The following PCDH11X variants were observed in gnomAD, a reference collection of about 807,000 sequenced individuals.
PCDH11X encodes the protein protocadherin 11 X-linked, also known as protocadherin-11 X-linked.
Under a neutral mutation model 53.3 loss-of-function variants are expected in PCDH11X, and 18 were observed. The ratio of observed to expected loss-of-function variants is 0.34; its 90% confidence interval spans 0.23 to 0.50. PCDH11X has a LOEUF of 0.50. Ranked by LOEUF, PCDH11X falls within the 20% of genes least tolerant of loss-of-function variation. The probability of loss-of-function intolerance (pLI) is 0.98; values close to 1 mark genes in which losing one functional copy is unlikely to be tolerated. For synonymous variants in PCDH11X, 279 were observed against 393.3 expected (o/e 0.71, Z 3.44); for missense variants, 570 against 1,032.4 (o/e 0.55, Z 6.14).
At chrX:91,907,406 C>CAGAGAGAGAGAGAG (rs1200633473) in intron 6 of PCDH11X, among the ~76,000 whole-genome samples, 1 of 62,374 alleles carries the variant, frequency 1.6e-5, no homozygotes, top group African/African-American at 7.0e-5. Flanking sequence ...CACACACACA[C>CAGAGAGAGAGAGAG]ACACACAGAG....
At chrX:92,401,363 A>T (rs775721019) in intron 9 of PCDH11X, among the ~76,000 whole-genome samples, 17 of 111,203 alleles carry the variant, frequency 1.5e-4, no homozygotes, top group Non-Finnish European at 3.0e-4. Flanking sequence ...CATTTTTATA[A>T]CTCCAAATCG....
At chrX:92,134,489 A>AG (rs1237490290) in intron 6 of PCDH11X, among the ~76,000 whole-genome samples, 14 of 111,112 alleles carry the variant, frequency 1.3e-4, no homozygotes, top group Non-Finnish European at 2.4e-4. Flanking sequence ...AGCAAAAAAA[A>AG]GACGAGAGTA....
intron 6 of PCDH11X, among the ~76,000 whole-genome samples, chrX:92,187,462 G>A (rs1322748343): frequency 9.0e-6 from 1 of 111,446 alleles, no homozygotes. Context: ...CAAAATTAAT[G>A]GTTAGCATGT....
At chrX:92,406,854 G>T (rs2071530186) in intron 9 of PCDH11X, among the ~76,000 whole-genome samples, 1 of 106,344 alleles carries the variant, frequency 9.4e-6, no homozygotes, top group South Asian at 4.4e-4. Flanking sequence ...TTGAACCCCG[G>T]AGGCAGAGGT....
intron 6 of PCDH11X, among the ~76,000 whole-genome samples, chrX:91,888,317 AT>A (rs772577202): frequency 3.6e-5 from 4 of 112,021 alleles, no homozygotes; most frequent in African/African-American, 6.5e-5. Context: ...GATTTACTTC[AT>A]AAAATGTTAC....
At chrX:91,982,754 G>A (rs921974383) in intron 6 of PCDH11X, 2 of 723,121 alleles carry the variant, frequency 2.8e-6, no homozygotes, top group African/African-American at 4.2e-5. Context: ...CTGGCTTTAG[G>A]GTCTGAGTGT....
chrX:92,042,493 C>A (rs2063223330), intron 6 of PCDH11X, among the ~76,000 whole-genome samples: 1 of 104,885 alleles, frequency 9.5e-6, no homozygotes, highest in African/African-American at 3.5e-5. Flanking sequence ...CTTATGAGCA[C>A]CTACCATGTG....
chrX:91,856,933 G>A (rs903647003), intron 5 of PCDH11X, among the ~76,000 whole-genome samples: 17 of 111,550 alleles, frequency 1.5e-4, no homozygotes, highest in East Asian at 5.7e-4. Context: ...TATCTGTATC[G>A]TGCAATAATG....
intron 8 of PCDH11X, among the ~76,000 whole-genome samples, chrX:92,276,439 C>G (rs995122157): frequency 1.8e-5 from 2 of 110,219 alleles, no homozygotes; most frequent in African/African-American, 6.6e-5. Flanking sequence ...CAGTGGGGTC[C>G]TGCACAGATG....
At chrX:92,550,178 T>A (rs1244433599) in intron 10 of PCDH11X, among the ~76,000 whole-genome samples, 2 of 110,667 alleles carry the variant, frequency 1.8e-5, no homozygotes, top group Non-Finnish European at 3.8e-5. Flanking sequence ...TTTCCAAATA[T>A]AAGTGGAAAC....
chrX:92,434,740 A>G (rs1289281448), intron 9 of PCDH11X, among the ~76,000 whole-genome samples: 1 of 108,527 alleles, frequency 9.2e-6, no homozygotes, highest in Admixed American at 1.0e-4. Context: ...CATGCCCCTG[A>G]AAAAGACATA....
intron 8 of PCDH11X, among the ~76,000 whole-genome samples, chrX:92,307,810 C>T (rs1229093777): frequency 9.6e-6 from 1 of 104,268 alleles, no homozygotes; most frequent in Non-Finnish European, 2.0e-5. Context: ...TAATACATTA[C>T]AAGTAAAGTT....
chrX:91,835,615 C>T lies in PCDH11X; in HGVS notation c.111C>T (p.Asn37=), dbSNP rs201777146. 139 of 1,208,868 alleles carry T rather than the reference C, an allele frequency of 1.1e-4. 1 individual carries two copies. Among genetic ancestry groups the T allele is most frequent in the Admixed American group, 8.8e-5 (4 of 45,443 alleles). Residue 37 remains asparagine (N), a synonymous_variant, in exon 5 of 11, where the codon AAC becomes AAT. Coordinates refer to ENST00000682573, the MANE Select transcript of PCDH11X (RefSeq NM_032968.5). ...CCATCCGAGAAGAAATGCCAGAAAACGTCCTGATAGGCGACTTGTTGAAAG... is the reference window on the plus strand; with the variant it reads ...CCATCCGAGAAGAAATGCCAGAAAATGTCCTGATAGGCGACTTGTTGAAAG... ...NYTIREEMPE[N]VLIGDLLKDL... is the part of the protein sequence containing the mutation.
intron 1 of PCDH11X, among the ~76,000 whole-genome samples, chrX:91,790,657 C>T: frequency 9.0e-6 from 1 of 111,483 alleles, no homozygotes; most frequent in East Asian, 2.8e-4. Flanking sequence ...AAATTAGACA[C>T]CATGCTAACC....
chrX:92,188,823 T>G (rs762269507), intron 6 of PCDH11X, among the ~76,000 whole-genome samples: 1 of 111,783 alleles, frequency 8.9e-6, no homozygotes, highest in Non-Finnish European at 1.9e-5. Flanking sequence ...GGCATTGATT[T>G]TATGACAGTA....
At chrX:92,398,439 A>G (rs1204639929) in intron 9 of PCDH11X, among the ~76,000 whole-genome samples, 1 of 112,084 alleles carries the variant, frequency 8.9e-6, no homozygotes, top group African/African-American at 3.2e-5. Context: ...CAGAAAGAAA[A>G]AAAAAGTTGA....
intron 8 of PCDH11X, among the ~76,000 whole-genome samples, chrX:92,320,645 T>C (rs1183834574): frequency 2.8e-4 from 31 of 110,991 alleles, no homozygotes; most frequent in African/African-American, 1.0e-3. Context: ...TACAATCTTG[T>C]ATACTCACGT....
chrX:92,599,178 ATAAC>A (rs1468215407), intron 10 of PCDH11X, among the ~76,000 whole-genome samples: 1 of 111,974 alleles, frequency 8.9e-6, no homozygotes, highest in Admixed American at 9.5e-5. Context: ...ACATTAAAAA[ATAAC>A]TAAAAGAATA....
intron 1 of PCDH11X, among the ~76,000 whole-genome samples, chrX:91,809,114 C>T (rs1231032125): frequency 9.2e-6 from 1 of 108,973 alleles, no homozygotes; most frequent in Non-Finnish European, 1.9e-5. Flanking sequence ...TTTGCCTTAT[C>T]TGTTCTTGGC....
Sources: allele counts gnomAD v4.1 joint callset (sites outside exome capture counted in the v4.1 genomes callset), GRCh38; gene constraint gnomAD v4.1.1; transcripts MANE v1.5; gene names NCBI Gene and HGNC (gene_info 2026-07-23, HGNC 2026-07-21).